CDKAL1: variants seen among roughly 807,000 people sequenced by gnomAD.
The protein encoded by CDKAL1 is CDKAL1 threonylcarbamoyladenosine tRNA methylthiotransferase.
A neutral mutation model predicts 68.2 loss-of-function variants in CDKAL1; 32 were observed. The observed-to-expected ratio is 0.47, with a 90% CI of 0.35 to 0.63. The LOEUF is 0.63. Among genes scored for constraint, CDKAL1 ranks in the 30% least tolerant of loss-of-function variants. The pLI is 0.00. For synonymous variants in CDKAL1, 234 were observed against 244.3 expected (o/e 0.96, Z 0.39); for missense variants, 606 against 696.7 (o/e 0.87, Z 1.47).
intron 4 of CDKAL1, among the ~76,000 whole-genome samples, chr6:20,590,431 A>G (rs1012985021): frequency 5.9e-5 from 9 of 152,248 alleles, no homozygotes; most frequent in Non-Finnish European, 1.3e-4. Context: ...ATAGGTATAC[A>G]CGTGCCACGG....
chr6:20,674,346 T>C (rs1431909752), intron 5 of CDKAL1, among the ~76,000 whole-genome samples: 1 of 152,242 alleles, frequency 6.6e-6, no homozygotes, highest in Non-Finnish European at 1.5e-5. Context: ...TTGACTTTAG[T>C]ACGTCCCCCA....
At chr6:20,797,327 G>A (rs1275461907) in intron 8 of CDKAL1, among the ~76,000 whole-genome samples, 1 of 152,180 alleles carries the variant, frequency 6.6e-6, no homozygotes, top group Non-Finnish European at 1.5e-5. Flanking sequence ...CAAGTAAAAT[G>A]AAAAATATTG....
At chr6:20,644,413 C>T (rs762351613) in intron 4 of CDKAL1, among the ~76,000 whole-genome samples, 8 of 152,238 alleles carry the variant, frequency 5.3e-5, no homozygotes, top group Non-Finnish European at 2.9e-5. Flanking sequence ...CGTGGTGGCT[C>T]ACGCCTTTAA....
chr6:21,184,298 G>A (rs1003989073), intron 13 of CDKAL1, among the ~76,000 whole-genome samples: 10 of 150,834 alleles, frequency 6.6e-5, no homozygotes, highest in East Asian at 3.9e-4. Flanking sequence ...AGGTTCAAGC[G>A]ATTCTCCTGC....
At chr6:21,163,013 TA>T (rs1776988264) in intron 13 of CDKAL1, among the ~76,000 whole-genome samples, 1 of 152,138 alleles carries the variant, frequency 6.6e-6, no homozygotes, top group Non-Finnish European at 1.5e-5. Flanking sequence ...CTGGCTTGAA[TA>T]GCTTAACTAA....
intron 5 of CDKAL1, among the ~76,000 whole-genome samples, chr6:20,728,431 A>T (rs1772752209): frequency 6.6e-6 from 1 of 152,210 alleles, no homozygotes; most frequent in East Asian, 1.9e-4. Context: ...GATAAGTTAG[A>T]AATTGACATA....
intron 4 of CDKAL1, among the ~76,000 whole-genome samples, chr6:20,640,640 T>C (rs4712520): frequency 0.86 from 131,174 of 152,242 alleles, 56,841 homozygotes; most frequent in African/African-American, 0.97. Context: ...ATGACAACTG[T>C]AAGGCCATGT....
intron 10 of CDKAL1, among the ~76,000 whole-genome samples, chr6:20,974,449 A>G (rs1483428196): frequency 6.6e-6 from 1 of 152,184 alleles, no homozygotes; most frequent in African/African-American, 2.4e-5. Context: ...CCACAACTTC[A>G]CATTGGATAG....
At chr6:21,140,180 C>A (rs950094026) in intron 13 of CDKAL1, among the ~76,000 whole-genome samples, 3 of 152,192 alleles carry the variant, frequency 2.0e-5, no homozygotes, top group African/African-American at 7.2e-5. Flanking sequence ...GGTGTGTTCA[C>A]TTAATTATAT....
At chr6:20,861,468 A>G (rs907270564) in intron 9 of CDKAL1, among the ~76,000 whole-genome samples, 3 of 152,248 alleles carry the variant, frequency 2.0e-5, no homozygotes, top group African/African-American at 7.2e-5. Context: ...TATAGGTTGC[A>G]TTATTGCTTA....
intron 13 of CDKAL1, among the ~76,000 whole-genome samples, chr6:21,140,326 C>T (rs140535103): frequency 1.4e-3 from 212 of 152,286 alleles, no homozygotes; most frequent in African/African-American, 4.7e-3. Flanking sequence ...ATTGTATTTA[C>T]GGCAAAGCTA....
At chr6:20,969,514 G>A (rs1055103633) in intron 10 of CDKAL1, among the ~76,000 whole-genome samples, 2 of 152,172 alleles carry the variant, frequency 1.3e-5, no homozygotes, top group Non-Finnish European at 2.9e-5. Context: ...AATGCACACA[G>A]TACAAACCCG....
chr6:20,536,790 A>G (rs1763189740), intron 2 of CDKAL1, among the ~76,000 whole-genome samples: 1 of 152,198 alleles, frequency 6.6e-6, no homozygotes, highest in Non-Finnish European at 1.5e-5. Flanking sequence ...CTGGACAACA[A>G]AGCGAGACCT....
intron 11 of CDKAL1, among the ~76,000 whole-genome samples, chr6:21,044,291 C>G (rs543877437): frequency 6.6e-6 from 1 of 152,280 alleles, no homozygotes; most frequent in East Asian, 1.9e-4. Flanking sequence ...GCTAGAAATC[C>G]TGTTTAGCCC....
At chr6:20,919,001 T>A (rs1762836812) in intron 9 of CDKAL1, among the ~76,000 whole-genome samples, 1 of 152,200 alleles carries the variant, frequency 6.6e-6, no homozygotes, top group Admixed American at 6.5e-5. Flanking sequence ...AGGTTCTGAT[T>A]AAATATGCGT....
At chr6:20,597,652 C>T (rs1581791196) in intron 4 of CDKAL1, among the ~76,000 whole-genome samples, 1 of 152,028 alleles carries the variant, frequency 6.6e-6, no homozygotes, top group African/African-American at 2.4e-5. Flanking sequence ...TGGCCTCAAG[C>T]AATCCACCTG....
At chr6:21,215,305 C>T (rs1779301816) in intron 15 of CDKAL1, among the ~76,000 whole-genome samples, 1 of 152,156 alleles carries the variant, frequency 6.6e-6, no homozygotes, top group Non-Finnish European at 1.5e-5. Flanking sequence ...CTTTTCAAGC[C>T]TCTGCATGCA....
chr6:20,593,474 T>A (rs954040880), intron 4 of CDKAL1, among the ~76,000 whole-genome samples: 1 of 152,158 alleles, frequency 6.6e-6, no homozygotes, highest in Non-Finnish European at 1.5e-5. Flanking sequence ...ATTTATAGTA[T>A]TCTCTGATGA....
At chr6:20,664,982 G>A (rs1048829821) in intron 5 of CDKAL1, among the ~76,000 whole-genome samples, 3 of 152,018 alleles carry the variant, frequency 2.0e-5, no homozygotes, top group African/African-American at 4.8e-5. Flanking sequence ...TTGAACAACC[G>A]TGGGAGCCTT....
Sources: gnomAD v4.1 joint callset for allele counts (sites outside exome capture counted in the v4.1 genomes callset) on GRCh38, gnomAD v4.1.1 for gene constraint, MANE v1.5 for transcripts, NCBI Gene and HGNC (gene_info 2026-07-23, HGNC 2026-07-21) for gene names.